The following SPRR2G variants were observed in gnomAD, a reference collection of about 807,000 sequenced individuals.
SPRR2G encodes the protein small proline rich protein 2G.
In SPRR2G, 1 loss-of-function variant was observed where a neutral mutation model predicts 0.7. The ratio of observed to expected loss-of-function variants is 1.49; its 90% confidence interval spans 0.53 to 7.06. The LOEUF is 7.06. SPRR2G is among the 30% of genes most tolerant of loss of function. SPRR2G has a pLI of 0.14. For synonymous variants in SPRR2G, 38 were observed against 33.9 expected, an observed-to-expected ratio of 1.12 and a Z score of -0.42; for missense variants, 96 against 88.5, an observed-to-expected ratio of 1.09 and a Z score of -0.34.
At chr1:153,165,682 G>A in the SPRR2G span, among the ~76,000 whole-genome samples, 29 of 146,828 alleles carry the variant, frequency 2.0e-4, no homozygotes, top group African/African-American at 7.5e-4. Context: ...TGGTGGGGAA[G>A]TGGCAGAAAT....
At chr1:153,196,407 G>A in the SPRR2G span, among the ~76,000 whole-genome samples, 63,863 of 152,072 alleles carry the variant, frequency 0.42, 14,284 homozygotes, top group South Asian at 0.57. Context: ...CCTTTTTAAG[G>A]CTGGATAGTA....
At chr1:153,188,124 G>A in the SPRR2G span, among the ~76,000 whole-genome samples, 1 of 152,176 alleles carries the variant, frequency 6.6e-6, no homozygotes, top group Non-Finnish European at 1.5e-5. Context: ...GAGCTCTCCT[G>A]TATGAGGTAT....
chr1:153,152,823 C>G (rs1392726147), upstream of SPRR2G, among the ~76,000 whole-genome samples: 1 of 152,166 alleles, frequency 6.6e-6, no homozygotes, highest in Non-Finnish European at 1.5e-5. Context: ...ACCTACTTTT[C>G]TTTGCCTCAT....
chr1:153,179,155 C>T, the SPRR2G span, among the ~76,000 whole-genome samples: 1 of 152,160 alleles, frequency 6.6e-6, no homozygotes, highest in African/African-American at 2.4e-5. Context: ...ATAATTTCTT[C>T]AGGGAAGATT....
At chr1:153,196,729 G>A in the SPRR2G span, among the ~76,000 whole-genome samples, 1 of 152,234 alleles carries the variant, frequency 6.6e-6, no homozygotes, top group Admixed American at 6.5e-5. Context: ...ATGGGTCTCT[G>A]CTTTTCACTG....
chr1:153,169,564 C>CA, the SPRR2G span, among the ~76,000 whole-genome samples: 87,944 of 142,154 alleles, frequency 0.62, 29,391 homozygotes, highest in African/African-American at 0.88. Context: ...GACTCCATCT[C>CA]AAAAAAAAAA....
At chr1:153,161,029 G>A in the SPRR2G span, among the ~76,000 whole-genome samples, 2 of 148,700 alleles carry the variant, frequency 1.3e-5, no homozygotes, top group South Asian at 4.3e-4. Context: ...CTCATAGGTG[G>A]GAATTGAACA....
At chr1:153,195,584 T>C in the SPRR2G span, among the ~76,000 whole-genome samples, 2 of 152,308 alleles carry the variant, frequency 1.3e-5, no homozygotes, top group South Asian at 4.1e-4. Context: ...GGGTCTTAAG[T>C]AGCAAGGATG....
At chr1:153,181,907 T>C in the SPRR2G span, among the ~76,000 whole-genome samples, 1 of 152,142 alleles carries the variant, frequency 6.6e-6, no homozygotes, top group Non-Finnish European at 1.5e-5. Context: ...CCTTTTGATA[T>C]ACTGATTTTC....
At chr1:153,162,466 T>C in the SPRR2G span, among the ~76,000 whole-genome samples, 255 of 152,346 alleles carry the variant, frequency 1.7e-3, no homozygotes, top group African/African-American at 5.8e-3. Context: ...CTGCTGTGCC[T>C]GAGCCAGGAC....
Position 153,149,793 on chromosome 1 carries a change from C to A in SPRR2G, c.*96G>T. ...CAGACAGAGGTTAGGGAAGATGCAG[C>A]CTCCCACTACAGCTGAAGGGAAGAT... On this transcript the variant is annotated 3_prime_UTR_variant, in exon 2 of 2. Coordinates refer to ENST00000368748, the MANE Select transcript of SPRR2G (RefSeq NM_001014291.4). 1 of 1,469,694 alleles carries A rather than the reference C, an allele frequency of 6.8e-7. No individual in the cohort carries two copies. Among genetic ancestry groups the A allele is most frequent in the East Asian group, 2.3e-5 (1 of 43,770 alleles). 91.0% of individuals were successfully genotyped at this position (1,469,694 alleles called of 1,614,324 possible).
the SPRR2G span, among the ~76,000 whole-genome samples, chr1:153,203,169 C>T: frequency 6.6e-6 from 1 of 152,106 alleles, no homozygotes; most frequent in Admixed American, 6.6e-5. Flanking sequence ...AGTGGGCCAG[C>T]TTTTCTGCTC....
chr1:153,177,789 T>C, the SPRR2G span, among the ~76,000 whole-genome samples: 2 of 152,168 alleles, frequency 1.3e-5, no homozygotes, highest in East Asian at 1.9e-4. Flanking sequence ...TACAACTTTG[T>C]TATTTTCCAA....
At chr1:153,201,790 T>C in the SPRR2G span, among the ~76,000 whole-genome samples, 8 of 152,238 alleles carry the variant, frequency 5.3e-5, no homozygotes, top group Admixed American at 5.2e-4. Flanking sequence ...TTCTATTCAA[T>C]AAACACTTGT....
chr1:153,171,905 C>T, the SPRR2G span, among the ~76,000 whole-genome samples: 3 of 152,278 alleles, frequency 2.0e-5, no homozygotes, highest in Admixed American at 2.0e-4. Flanking sequence ...GCCCTCCCCT[C>T]CCATGCCCCC....
At chr1:153,162,182 C>T in the SPRR2G span, among the ~76,000 whole-genome samples, 4,686 of 152,154 alleles carry the variant, frequency 0.031, 239 homozygotes, top group African/African-American at 0.11. Flanking sequence ...GGATAGGCCC[C>T]AGTGTGTGTT....
the SPRR2G span, among the ~76,000 whole-genome samples, chr1:153,171,712 T>C: frequency 2.0e-5 from 3 of 152,312 alleles, no homozygotes; most frequent in Non-Finnish European, 4.4e-5. Context: ...TGCCAACAGA[T>C]GGTGGTCCCA....
chr1:153,203,190 T>C, the SPRR2G span, among the ~76,000 whole-genome samples: 1 of 152,020 alleles, frequency 6.6e-6, no homozygotes, highest in Non-Finnish European at 1.5e-5. Context: ...CCAGCAACAA[T>C]GAGCCTCCCA....
chr1:153,165,519 T>C, the SPRR2G span, among the ~76,000 whole-genome samples: 1 of 152,172 alleles, frequency 6.6e-6, no homozygotes, highest in Non-Finnish European at 1.5e-5. Context: ...AGGCATCAAA[T>C]AGAGACTCAG....
Sources: gnomAD v4.1 joint callset for allele counts (sites outside exome capture counted in the v4.1 genomes callset) on GRCh38, gnomAD v4.1.1 for gene constraint, MANE v1.5 for transcripts, NCBI Gene and HGNC (gene_info 2026-07-23, HGNC 2026-07-21) for gene names.